EGFR: variants seen among roughly 807,000 people sequenced by gnomAD.
EGFR encodes avian erythroblastic leukemia viral (v-erb-b) oncogene homolog.
EGFR carries 58 observed loss-of-function variants against 143.0 expected under a neutral mutation model. The ratio of observed to expected loss-of-function variants is 0.41; its 90% CI spans 0.33 to 0.50. EGFR has a LOEUF of 0.50. EGFR is among the 20% of genes least tolerant of loss of function. EGFR has a pLI of 0.39. For missense variants in EGFR, 1,307 were observed against 1,579.0 expected (o/e 0.83, Z 2.92); for synonymous variants, 613 against 594.4 (o/e 1.03, Z -0.45).
intron 1 of EGFR, among the ~76,000 whole-genome samples, chr7:55,088,058 C>G (rs991671933): frequency 3.1e-5 from 3 of 96,394 alleles, no homozygotes; most frequent in Non-Finnish European, 6.5e-5. Flanking sequence ...GGTATAAACA[C>G]ACACACACAC....
At position 55,211,192 on chromosome 7, in the gene EGFR, ACTT is replaced by A. The variant is rs1788228551; in HGVS notation, c.*5576_*5578del. On this transcript the variant is annotated 3_prime_UTR_variant, in exon 28 of 28. Coordinates refer to ENST00000275493, the MANE Select transcript of EGFR (RefSeq NM_005228.5). ...CCTAGCAGATAAAACTATGGGGAAA[ACTT>A]AAATCTGTGCATACATTTCTGGATG... 1 of 152,192 alleles carries A rather than the reference ACTT, an allele frequency of 6.6e-6. No homozygotes were observed. The highest frequency in any genetic ancestry group is 2.4e-5 in the African/African-American group (1 of 41,444). 9.4% of individuals were successfully genotyped at this position (152,192 alleles called of 1,614,324 possible). A position where few individuals can be genotyped will look rare whatever the true frequency, so the allele number is the denominator to read the frequency against.
chr7:55,075,333 G>T (rs1213988995), intron 1 of EGFR, among the ~76,000 whole-genome samples: 1 of 152,098 alleles, frequency 6.6e-6, no homozygotes, highest in Admixed American at 6.5e-5. Context: ...ACCCTTCTTT[G>T]TATGGAGGTC....
At chr7:55,063,993 G>C (rs17335912) in intron 1 of EGFR, among the ~76,000 whole-genome samples, 7,943 of 151,742 alleles carry the variant, frequency 0.052, 471 homozygotes, top group African/African-American at 0.13. Context: ...ATTATATAAA[G>C]TCTTGTAGAT....
intron 1 of EGFR, among the ~76,000 whole-genome samples, chr7:55,117,261 G>A (rs1439089671): frequency 6.6e-6 from 1 of 152,148 alleles, no homozygotes; most frequent in Non-Finnish European, 1.5e-5. Context: ...ATAGAGATGT[G>A]GGTAAAAGTT....
At chr7:55,035,210 G>C (rs1787487083) in intron 1 of EGFR, among the ~76,000 whole-genome samples, 1 of 152,166 alleles carries the variant, frequency 6.6e-6, no homozygotes, top group Non-Finnish European at 1.5e-5. Context: ...AAAGAAGAAA[G>C]TTAACTGTTG....
intron 1 of EGFR, chr7:55,110,066 G>C (rs1462605007): frequency 1.9e-6 from 1 of 518,604 alleles, no homozygotes; most frequent in African/African-American, 2.1e-5. Context: ...CTGCTGGGGA[G>C]GGAAGAAGTG....
chr7:55,024,392 T>C (rs1786762357), intron 1 of EGFR, among the ~76,000 whole-genome samples: 1 of 152,254 alleles, frequency 6.6e-6, no homozygotes, highest in African/African-American at 2.4e-5. Context: ...TTTCTCTCTC[T>C]GATCCAAGTT....
At chr7:55,190,670 C>A (rs1383128280) in intron 20 of EGFR, among the ~76,000 whole-genome samples, 1 of 152,184 alleles carries the variant, frequency 6.6e-6, no homozygotes, top group Non-Finnish European at 1.5e-5. Context: ...CCGCAGCAAG[C>A]ATTTCTGTCG....
chr7:55,093,623 G>C (rs1487344645), intron 1 of EGFR, among the ~76,000 whole-genome samples: 1 of 152,162 alleles, frequency 6.6e-6, no homozygotes, highest in Non-Finnish European at 1.5e-5. Flanking sequence ...GGTCATTTCT[G>C]TTCATATCTG....
At chr7:55,127,448 C>T (rs1793594626) in intron 1 of EGFR, among the ~76,000 whole-genome samples, 1 of 152,060 alleles carries the variant, frequency 6.6e-6, no homozygotes. Flanking sequence ...TCATCCTCTC[C>T]TTCCCACCCC....
intron 1 of EGFR, among the ~76,000 whole-genome samples, chr7:55,120,759 G>C (rs1295028601): frequency 1.3e-5 from 2 of 152,160 alleles, no homozygotes; most frequent in Non-Finnish European, 2.9e-5. Context: ...TGGAGTGGAG[G>C]GCATTCATCG....
intron 1 of EGFR, among the ~76,000 whole-genome samples, chr7:55,026,182 AT>A (rs1022953883): frequency 7.9e-5 from 12 of 152,176 alleles, no homozygotes; most frequent in Non-Finnish European, 1.6e-4. Flanking sequence ...TACATGTTGT[AT>A]GTAGCTCGTA....
intron 21 of EGFR, 50 bp from the exon 22 acceptor site, chr7:55,192,716 C>T (rs1023925054): frequency 6.4e-7 from 1 of 1,557,116 alleles, no homozygotes; most frequent in African/African-American, 1.4e-5. Flanking sequence ...CTTTTTCCAA[C>T]AGAGGGAAAC....
intron 20 of EGFR, among the ~76,000 whole-genome samples, chr7:55,189,784 A>G (rs1057308815): frequency 7.9e-5 from 12 of 152,228 alleles, no homozygotes; most frequent in African/African-American, 2.9e-4. Context: ...GGTAGAAAGA[A>G]AGGAGAAAGC....
At chr7:55,198,237 T>C (rs1787700652) in intron 22 of EGFR, among the ~76,000 whole-genome samples, 1 of 152,198 alleles carries the variant, frequency 6.6e-6, no homozygotes, top group Non-Finnish European at 1.5e-5. Flanking sequence ...TTTTATCAAA[T>C]GGAACTTAAG....
intron 1 of EGFR, among the ~76,000 whole-genome samples, chr7:55,029,597 A>T (rs1787136615): frequency 6.6e-6 from 1 of 152,254 alleles, no homozygotes; most frequent in Admixed American, 6.5e-5. Context: ...AATTTTCAAA[A>T]GTTAGAAAGT....
intron 1 of EGFR, among the ~76,000 whole-genome samples, chr7:55,104,348 G>A (rs552579456): frequency 2.1e-4 from 32 of 152,310 alleles, no homozygotes; most frequent in Non-Finnish European, 4.0e-4. Context: ...TCCCAACTCC[G>A]CCGTCGCTGC....
At chr7:55,151,726 T>A (rs17336542) in intron 5 of EGFR, among the ~76,000 whole-genome samples, 4 of 152,082 alleles carry the variant, frequency 2.6e-5, no homozygotes, top group Middle Eastern at 3.4e-3. Flanking sequence ...TACAAAAAAT[T>A]AGCCGGGCGT....
At chr7:55,077,768 GA>G (rs749952444) in intron 1 of EGFR, among the ~76,000 whole-genome samples, 1 of 152,090 alleles carries the variant, frequency 6.6e-6, no homozygotes, top group African/African-American at 2.4e-5. Context: ...GGTGCTTGGG[GA>G]AAAAATGGGT....
Sources: allele counts gnomAD v4.1 joint callset (sites outside exome capture counted in the v4.1 genomes callset), GRCh38; gene constraint gnomAD v4.1.1; transcripts MANE v1.5; gene names NCBI Gene and HGNC (gene_info 2026-07-23, HGNC 2026-07-21).